BLTP1: variants seen among roughly 807,000 people sequenced by gnomAD.
BLTP1 encodes bridge-like lipid transfer protein family member 1, also known as fragile site-associated protein.
chr4:122,339,237 G>A, the BLTP1 span: 1 of 1,613,384 alleles, frequency 6.2e-7, no homozygotes, highest in Non-Finnish European at 8.5e-7. Flanking sequence ...CTGTTTACCA[G>A]TATCAAGAGT....
chr4:122,250,946 A>G, the BLTP1 span: 1 of 985,188 alleles, frequency 1.0e-6, no homozygotes, highest in East Asian at 1.1e-4. Context: ...TCAGTTCTAA[A>G]TATTTTTGTC....
chr4:122,256,228 G>C, the BLTP1 span: 5 of 944,632 alleles, frequency 5.3e-6, no homozygotes, highest in Non-Finnish European at 6.3e-6. Context: ...AGAATCTCTA[G>C]TAAGTGTTGG....
chr4:122,356,629 C>G, the BLTP1 span: 17 of 1,611,388 alleles, frequency 1.1e-5, no homozygotes, highest in Non-Finnish European at 6.8e-6. Context: ...AGATGCCAGC[C>G]TGAAGCCAAA....
chr4:122,220,564 G>A, the BLTP1 span: 5 of 1,052,360 alleles, frequency 4.8e-6, no homozygotes, highest in Middle Eastern at 2.5e-4. Context: ...CATGGACTTT[G>A]TAGCTCTTTA....
chr4:122,306,060 A>G, the BLTP1 span: 8 of 1,597,026 alleles, frequency 5.0e-6, no homozygotes, highest in Non-Finnish European at 6.8e-6. Flanking sequence ...GATAAAGTCA[A>G]TCACTACTAT....
the BLTP1 span, among the ~76,000 whole-genome samples, chr4:122,352,075 C>T: frequency 2.0e-5 from 3 of 152,140 alleles, no homozygotes; most frequent in East Asian, 1.9e-4. Context: ...TTCTCACAAG[C>T]TCCCAGGCAA....
the BLTP1 span, chr4:122,344,490 C>T: frequency 6.8e-6 from 11 of 1,613,912 alleles, no homozygotes; most frequent in Admixed American, 1.7e-5. Flanking sequence ...TCAGGAGGTG[C>T]CTCATTTTTT....
At chr4:122,198,359 G>A in the BLTP1 span, 77 of 985,150 alleles carry the variant, frequency 7.8e-5, no homozygotes, top group Non-Finnish European at 8.9e-5. Context: ...TTTTAGAAAA[G>A]CCAAAAGCAT....
the BLTP1 span, chr4:122,214,458 C>A: frequency 1.0e-6 from 1 of 956,510 alleles, no homozygotes; most frequent in Non-Finnish European, 1.2e-6. Flanking sequence ...TACATGCCAT[C>A]TATTATAAAA....
At chr4:122,343,796 A>C in the BLTP1 span, 2 of 431,794 alleles carry the variant, frequency 4.6e-6, no homozygotes, top group Non-Finnish European at 6.2e-6. Flanking sequence ...AGGTGAATTA[A>C]TTATACAAGA....
the BLTP1 span, among the ~76,000 whole-genome samples, chr4:122,242,507 A>AT: frequency 2.0e-5 from 3 of 152,236 alleles, no homozygotes; most frequent in Non-Finnish European, 2.9e-5. Context: ...TAAGAAAGTT[A>AT]TTTTTTGCCA....
the BLTP1 span, chr4:122,273,488 T>TA: frequency 0.037 from 27,388 of 742,592 alleles, 1 homozygote; most frequent in Non-Finnish European, 0.041. Context: ...AGTTGATATT[T>TA]AAAAAAAAAA....
At chr4:122,249,850 A>C in the BLTP1 span, 2 of 976,220 alleles carry the variant, frequency 2.0e-6, no homozygotes, top group Non-Finnish European at 2.4e-6. Context: ...CCAATTGCTT[A>C]AGTGGAGCTT....
chr4:122,217,796 T>C, the BLTP1 span, among the ~76,000 whole-genome samples: 1 of 152,198 alleles, frequency 6.6e-6, no homozygotes, highest in Non-Finnish European at 1.5e-5. Context: ...GTACCATTTC[T>C]TTTTTAAATG....
chr4:122,261,277 G>A, the BLTP1 span: 5 of 984,880 alleles, frequency 5.1e-6, no homozygotes, highest in Non-Finnish European at 4.8e-6. Flanking sequence ...TTTCCTGATG[G>A]ACAGTTTTTT....
chr4:122,165,079 T>C, the BLTP1 span, among the ~76,000 whole-genome samples: 11 of 152,316 alleles, frequency 7.2e-5, no homozygotes, highest in African/African-American at 2.4e-4. Context: ...TTGTCACATT[T>C]TTTTTTTAAT....
At chr4:122,316,717 CTT>C in the BLTP1 span, 1 of 1,599,770 alleles carries the variant, frequency 6.3e-7, no homozygotes, top group African/African-American at 1.3e-5. Flanking sequence ...GACAGATACA[CTT>C]TTGACTTTTC....
chr4:122,328,588 A>C, the BLTP1 span: 1 of 905,638 alleles, frequency 1.1e-6, no homozygotes, highest in South Asian at 5.1e-5. Flanking sequence ...TTTTCATGTC[A>C]CCTAAGTTTA....
the BLTP1 span, chr4:122,289,313 T>C: frequency 1.2e-6 from 1 of 828,406 alleles, no homozygotes; most frequent in Non-Finnish European, 1.7e-6. Flanking sequence ...GTCAAATAAC[T>C]CCTAAGAAAC....
Sources: allele counts gnomAD v4.1 joint callset (sites outside exome capture counted in the v4.1 genomes callset), GRCh38; gene constraint gnomAD v4.1.1; transcripts MANE v1.5; gene names NCBI Gene and HGNC (gene_info 2026-07-23, HGNC 2026-07-21).